Variants in DIXDC1 observed in about 807,000 individuals in gnomAD.
DIXDC1 encodes DIX domain containing 1, also known as dixin.
In DIXDC1, 64 loss-of-function variants were observed where a neutral mutation model predicts 103.1. That is an observed-to-expected ratio of 0.62 (90% CI 0.51 to 0.76). DIXDC1 has a LOEUF of 0.76. Ranked by LOEUF, DIXDC1 falls within the 30% of genes least tolerant of loss-of-function variation. DIXDC1 has a pLI of 0.00. For synonymous variants in DIXDC1, 266 were observed against 298.5 expected, an observed-to-expected ratio of 0.89 and a Z score of 1.12; for missense variants, 759 against 834.2, an observed-to-expected ratio of 0.91 and a Z score of 1.11.
At chr11:111,953,112 T>C (rs1966845632) in intron 1 of DIXDC1, among the ~76,000 whole-genome samples, 1 of 152,120 alleles carries the variant, frequency 6.6e-6, no homozygotes, top group Non-Finnish European at 1.5e-5. Context: ...CAAATTAGTA[T>C]CAATACTATC....
At chr11:111,965,310 T>C (rs1461419216) in intron 2 of DIXDC1, among the ~76,000 whole-genome samples, 1 of 152,248 alleles carries the variant, frequency 6.6e-6, no homozygotes, top group Non-Finnish European at 1.5e-5. Context: ...ATGATAATTA[T>C]GTGGTAATCA....
At chr11:111,943,956 T>C (rs1966508257) in intron 1 of DIXDC1, among the ~76,000 whole-genome samples, 1 of 152,244 alleles carries the variant, frequency 6.6e-6, no homozygotes, top group South Asian at 2.1e-4. Context: ...TTGTGAACTT[T>C]ATTTGTACCC....
chr11:112,004,776 A>C (rs1302598887), intron 17 of DIXDC1, among the ~76,000 whole-genome samples: 1 of 152,176 alleles, frequency 6.6e-6, no homozygotes, highest in Non-Finnish European at 1.5e-5. Flanking sequence ...CTAACTCTAG[A>C]AGACTTGGAA....
At chr11:111,962,885 G>A (rs1449049818) in intron 1 of DIXDC1, among the ~76,000 whole-genome samples, 2 of 152,168 alleles carry the variant, frequency 1.3e-5, no homozygotes, top group African/African-American at 4.8e-5. Flanking sequence ...GCTTCTGACT[G>A]CACAATGGGA....
At chr11:112,014,717 C>T (rs149674683) in intron 17 of DIXDC1, among the ~76,000 whole-genome samples, 183 of 152,200 alleles carry the variant, frequency 1.2e-3, no homozygotes, top group African/African-American at 3.9e-3. Context: ...ATTCTCAAAT[C>T]GAACACACAG....
upstream of DIXDC1, among the ~76,000 whole-genome samples, chr11:111,933,116 C>A (rs587727781): frequency 5.9e-5 from 9 of 152,200 alleles, no homozygotes; most frequent in East Asian, 1.7e-3. Context: ...ACAAGCTAGA[C>A]CATTTAGAGT....
chr11:111,970,319 T>C (rs1483943167), intron 3 of DIXDC1, among the ~76,000 whole-genome samples: 8 of 152,158 alleles, frequency 5.3e-5, no homozygotes, highest in Non-Finnish European at 7.3e-5. Context: ...CCTCCCAAAG[T>C]GCTGGGATTA....
At chr11:111,973,960 A>T in intron 3 of DIXDC1, 63 bp from the exon 4 acceptor site, 1 of 1,510,152 alleles carries the variant, frequency 6.6e-7, no homozygotes, top group Non-Finnish European at 9.1e-7. Flanking sequence ...AGAAGTCCTC[A>T]GCTTTTGCCT....
chr11:112,011,809 G>C (rs975193445), intron 17 of DIXDC1, among the ~76,000 whole-genome samples: 1 of 152,072 alleles, frequency 6.6e-6, no homozygotes, highest in South Asian at 2.1e-4. Context: ...GTCGTGGAGG[G>C]GGGGACGGGG....
chr11:112,009,876 A>C (rs1861360303), intron 17 of DIXDC1, among the ~76,000 whole-genome samples: 1 of 152,228 alleles, frequency 6.6e-6, no homozygotes. Flanking sequence ...AAAAACTGGA[A>C]GCATTTCTTT....
intron 1 of DIXDC1, among the ~76,000 whole-genome samples, chr11:111,944,938 A>G (rs1426579794): frequency 6.6e-6 from 1 of 152,210 alleles, no homozygotes; most frequent in Non-Finnish European, 1.5e-5. Context: ...TTAGTTCAAC[A>G]CTGTTACACA....
Position 112,017,307 on chromosome 11 carries a change from T to G in DIXDC1, c.1863-470T>G, listed in dbSNP as rs1555177862. Among the ~76,000 whole-genome samples the G allele has an allele frequency of 2.0e-5, 3 of 152,006 alleles. No homozygotes were observed. On this transcript the variant is annotated intron_variant, in intron 18 of 19. Coordinates refer to ENST00000440460, the MANE Select transcript of DIXDC1 (RefSeq NM_001037954.4). This position sits in a 1 kb window ranked among gnomAD's most constrained non-coding sequence, Gnocchi z 4.0. Reference sequence around the variant, plus strand: ...CTCTGCAACCAACTATTGAGAGAGGTTATAGGATTTTTCTTACTTAGTCTG... The same window carrying G: ...CTCTGCAACCAACTATTGAGAGAGGGTATAGGATTTTTCTTACTTAGTCTG...
intron 3 of DIXDC1, among the ~76,000 whole-genome samples, chr11:111,972,698 A>T (rs1461820586): frequency 6.6e-6 from 1 of 152,180 alleles, no homozygotes; most frequent in East Asian, 1.9e-4. Flanking sequence ...CCTCCACCAC[A>T]GTGCTGTGTC....
At chr11:112,012,111 T>C (rs1861440976) in intron 17 of DIXDC1, among the ~76,000 whole-genome samples, 1 of 152,220 alleles carries the variant, frequency 6.6e-6, no homozygotes, top group Admixed American at 6.5e-5. Context: ...TACTCAACAT[T>C]GTTAAGATGG....
intron 17 of DIXDC1, among the ~76,000 whole-genome samples, chr11:112,007,681 C>T (rs587636268): frequency 2.0e-3 from 305 of 152,260 alleles, no homozygotes; most frequent in African/African-American, 6.9e-3. Context: ...GAGTTTTCAA[C>T]GCAAAATTTC....
chr11:112,000,129 C>T (rs1440294635), intron 17 of DIXDC1, among the ~76,000 whole-genome samples: 7 of 151,456 alleles, frequency 4.6e-5, no homozygotes, highest in South Asian at 2.1e-4. Flanking sequence ...AGGGAGACTT[C>T]GTCTCAAAAA....
chr11:111,993,785 CG>C (rs1566547969), intron 14 of DIXDC1, 45 bp downstream of exon 14: 1 of 1,599,096 alleles, frequency 6.3e-7, no homozygotes, highest in East Asian at 2.2e-5. Flanking sequence ...ATGAAGCAAA[CG>C]GGGAGATTGT....
At position 111,943,701 on chromosome 11, in the gene DIXDC1, C is replaced by T. The variant is rs587741864; in HGVS notation, c.60+6142C>T. Among the ~76,000 whole-genome samples the T allele has an allele frequency of 4.6e-5, 7 of 151,888 alleles. No homozygotes were observed. The East Asian group carries it at 5.8e-4, about 13-fold the overall frequency. On this transcript the variant is annotated intron_variant, in intron 1 of 19. Transcript: ENST00000440460. ...ATTTTCAGTAGAGATGGGATTTCAC[C>T]GTGTTATCCAGGATGGTCTCGATCT...
At chr11:111,966,207 GTT>G (rs1217671835) in intron 2 of DIXDC1, among the ~76,000 whole-genome samples, 4 of 110,236 alleles carry the variant, frequency 3.6e-5, no homozygotes, top group African/African-American at 1.1e-4. Flanking sequence ...AAAACCCGGG[GTT>G]TTTTTTTTTT....
Sources: allele counts gnomAD v4.1 joint callset (sites outside exome capture counted in the v4.1 genomes callset), GRCh38; gene constraint gnomAD v4.1.1; non-coding constraint Gnocchi (gnomAD v3.1); transcripts MANE v1.5; gene names NCBI Gene and HGNC (gene_info 2026-07-23, HGNC 2026-07-21).